The following NPSR1 variants were observed in gnomAD, a reference collection of about 807,000 sequenced individuals.
NPSR1 encodes neuropeptide S receptor.
Under a neutral mutation model 46.9 loss-of-function variants are expected in NPSR1, and 48 were observed. The observed-to-expected ratio is 1.02, with a 90% CI of 0.81 to 1.30. NPSR1 has a LOEUF of 1.30. Ranked by LOEUF, NPSR1 falls within the 50% of genes most tolerant of loss-of-function variation. The probability of loss-of-function intolerance (pLI) is 0.00; values close to 1 mark genes in which losing one functional copy is unlikely to be tolerated. For missense variants in NPSR1, 450 were observed against 449.5 expected (o/e 1.00, Z -0.01); for synonymous variants, 176 against 168.1 (o/e 1.05, Z -0.36).
downstream of NPSR1, among the ~76,000 whole-genome samples, chr7:34,851,395 A>G (rs1034694523): frequency 6.6e-6 from 1 of 150,576 alleles, no homozygotes; most frequent in Non-Finnish European, 1.5e-5. Flanking sequence ...CTCACTCACC[A>G]TCTCTCGGAG....
intron 8 of NPSR1, among the ~76,000 whole-genome samples, chr7:34,868,673 C>A (rs182938981): frequency 1.5e-4 from 23 of 151,696 alleles, no homozygotes; most frequent in African/African-American, 4.6e-4. Flanking sequence ...AAACCTTCTC[C>A]TCAAAATAAG....
chr7:34,765,356 C>T (rs899853047), intron 2 of NPSR1, among the ~76,000 whole-genome samples: 1 of 152,062 alleles, frequency 6.6e-6, no homozygotes, highest in African/African-American at 2.4e-5. Context: ...TAGACACGGA[C>T]TTTAAATAAA....
Position 34,871,837 on chromosome 7 carries a change from G to C in NPSR1, c.1026-6239G>C, listed in dbSNP as rs144908243. On this transcript the variant is annotated intron_variant, in intron 8 of 8. Transcript: ENST00000359791. The stretch of plus-strand genomic sequence containing the variant: ...CAGACCCACCCCTGTGGCTTTGCAG[G>C]GTGCAGTACACATGGCTGTTCTCAA... Among the ~76,000 whole-genome samples, 872 of 151,974 alleles carry C rather than the reference G, an allele frequency of 5.7e-3. 33 individuals are homozygous for C. The highest frequency in any genetic ancestry group is 0.02 in the African/African-American group (825 of 41,236).
intron 2 of NPSR1, among the ~76,000 whole-genome samples, chr7:34,695,555 C>G (rs937459202): frequency 1.3e-5 from 2 of 152,074 alleles, no homozygotes; most frequent in Admixed American, 6.6e-5. Flanking sequence ...GATTATTTCT[C>G]CAACAAATGA....
chr7:34,793,117 A>G lies in NPSR1; in HGVS notation c.384+14552A>G, dbSNP rs1440222135. On this transcript the variant is annotated intron_variant, in intron 3 of 8. Transcript: ENST00000360581. ...TGAAGTGAGAGGATTGCTTGAGCCC[A>G]GGAGTTCAAGACCAGCCTGGGCAAC... Among the ~76,000 whole-genome samples the G allele has an allele frequency of 3.3e-5, 5 of 152,044 alleles. No homozygotes were observed. The East Asian group carries it at 7.8e-4, about 24-fold the overall frequency.
chr7:34,723,558 G>T (rs892237094), intron 2 of NPSR1, among the ~76,000 whole-genome samples: 76 of 134,634 alleles, frequency 5.6e-4, no homozygotes, highest in African/African-American at 1.6e-3. Context: ...AATAAATAAA[G>T]ATGAATTGTA....
At chr7:34,764,456 G>T (rs1037917071) in intron 2 of NPSR1, among the ~76,000 whole-genome samples, 2 of 152,114 alleles carry the variant, frequency 1.3e-5, no homozygotes, top group Admixed American at 1.3e-4. Flanking sequence ...TTACAGCCAG[G>T]CCCATCCAGT....
chr7:34,817,979 C>G (rs930846523), intron 4 of NPSR1, among the ~76,000 whole-genome samples: 4 of 152,118 alleles, frequency 2.6e-5, no homozygotes, highest in African/African-American at 9.7e-5. Flanking sequence ...TGGGCAAAAA[C>G]TGGAAGCATT....
chr7:34,775,137 A>G (rs911527165), intron 2 of NPSR1, among the ~76,000 whole-genome samples: 1 of 152,204 alleles, frequency 6.6e-6, no homozygotes, highest in Non-Finnish European at 1.5e-5. Context: ...TTGACTCTTA[A>G]TGACATCTTT....
At chr7:34,809,715 G>A (rs909845034) in intron 3 of NPSR1, among the ~76,000 whole-genome samples, 27 of 151,878 alleles carry the variant, frequency 1.8e-4, no homozygotes, top group African/African-American at 6.0e-4. Flanking sequence ...CACCCGCCTC[G>A]GCCTCCCAAA....
intron 3 of NPSR1, among the ~76,000 whole-genome samples, chr7:34,784,810 G>A (rs1787386902): frequency 6.6e-6 from 1 of 152,082 alleles, no homozygotes; most frequent in African/African-American, 2.4e-5. Context: ...TCAGAGAAAT[G>A]CAAATCAAAA....
intron 6 of NPSR1, 105 bp downstream of exon 6, chr7:34,834,565 G>T: frequency 1.2e-6 from 1 of 829,628 alleles, no homozygotes. Flanking sequence ...AAGCATACAG[G>T]ATCATATCAG....
intron 3 of NPSR1, among the ~76,000 whole-genome samples, chr7:34,782,252 A>T (rs1787261659): frequency 6.6e-6 from 1 of 152,100 alleles, no homozygotes; most frequent in African/African-American, 2.4e-5. Context: ...CATGCATCAG[A>T]CCTCAGTTTC....
At chr7:34,688,391 T>C (rs1793048134) in intron 2 of NPSR1, among the ~76,000 whole-genome samples, 1 of 152,192 alleles carries the variant, frequency 6.6e-6, no homozygotes, top group Non-Finnish European at 1.5e-5. Flanking sequence ...ATTATCAAGA[T>C]ACAGAATTTA....
chr7:34,831,924 G>T (rs1053796679), intron 5 of NPSR1, among the ~76,000 whole-genome samples: 3 of 152,078 alleles, frequency 2.0e-5, no homozygotes, highest in African/African-American at 7.2e-5. Context: ...CATTTATTTT[G>T]CTTAGGAAAT....
intron 4 of NPSR1, among the ~76,000 whole-genome samples, chr7:34,814,070 G>A (rs1789124029): frequency 6.6e-6 from 1 of 152,222 alleles, no homozygotes; most frequent in South Asian, 2.1e-4. Flanking sequence ...GACAGTGGGT[G>A]CAGCCCATGG....
intron 3 of NPSR1, among the ~76,000 whole-genome samples, chr7:34,802,902 C>T (rs184841624): frequency 8.6e-5 from 13 of 150,400 alleles, no homozygotes; most frequent in East Asian, 3.9e-4. Context: ...AAAAAGTGGG[C>T]GAAGGACAAG....
intron 2 of NPSR1, among the ~76,000 whole-genome samples, chr7:34,702,073 G>A (rs187293053): frequency 5.3e-5 from 8 of 152,310 alleles, no homozygotes; most frequent in Admixed American, 1.3e-4. Context: ...TTACCATTGG[G>A]AACCCAGGCT....
intron 2 of NPSR1, among the ~76,000 whole-genome samples, chr7:34,745,117 G>A (rs1447556877): frequency 6.6e-6 from 1 of 152,180 alleles, no homozygotes; most frequent in Non-Finnish European, 1.5e-5. Flanking sequence ...TATACAAAGG[G>A]ACAACTATAT....
Sources: gnomAD v4.1 joint callset for allele counts (sites outside exome capture counted in the v4.1 genomes callset) on GRCh38, gnomAD v4.1.1 for gene constraint, MANE v1.5 for transcripts, NCBI Gene and HGNC (gene_info 2026-07-23, HGNC 2026-07-21) for gene names.